Variants in MPP7 observed in about 807,000 individuals in gnomAD.
The protein encoded by MPP7 is MAGUK p55 subfamily member 7.
MPP7 carries 60 observed loss-of-function variants against 76.5 expected under a neutral mutation model. The observed-to-expected ratio is 0.78, with a 90% CI of 0.64 to 0.97. MPP7 has a LOEUF of 0.97. Among genes scored for constraint, MPP7 ranks in the 50% least tolerant of loss-of-function variants. MPP7 has a pLI of 0.00. For synonymous variants in MPP7, 237 were observed against 244.5 expected, an observed-to-expected ratio of 0.97 and a Z score of 0.29; for missense variants, 641 against 694.0, an observed-to-expected ratio of 0.92 and a Z score of 0.86.
chr10:28,084,894 G>A lies in MPP7; in HGVS notation c.1123+4777C>T, dbSNP rs549568547. On this transcript the variant is annotated intron_variant, in intron 12 of 16. Coordinates refer to ENST00000683449, the MANE Select transcript of MPP7 (RefSeq NM_001318170.2). The stretch of plus-strand genomic sequence containing the variant: ...TGCCTAGACAGTGTGCAGAATTAGC[G>A]TGTAGGAAAGAGAGAGGTGAGCCCA... Among the ~76,000 whole-genome samples the A allele has an allele frequency of 8.5e-5, 13 of 152,294 alleles. No homozygotes were observed. The South Asian group carries it at 1.0e-3, about 12-fold the overall frequency.
intron 2 of MPP7, among the ~76,000 whole-genome samples, chr10:28,213,006 C>T (rs1283535175): frequency 2.6e-5 from 4 of 152,126 alleles, no homozygotes; most frequent in African/African-American, 7.2e-5. Context: ...GTGCCATGAT[C>T]AGAGCTCAGT....
chr10:28,269,044 A>G (rs2133011343), intron 1 of MPP7, among the ~76,000 whole-genome samples: 1 of 152,358 alleles, frequency 6.6e-6, no homozygotes, highest in Middle Eastern at 3.4e-3. Flanking sequence ...TTTACTCAAA[A>G]GTAAGGACTT....
Position 28,310,798 on chromosome 10 carries a change from C to CT in MPP7, c.-132+19130_-132+19131insA, listed in dbSNP as rs1280770076. ...GGGAAAAAGCTATAAACCACTTTAC[C>CT]CTGCACTGATCTGATAGACTCATTG... On this transcript the variant is annotated intron_variant, in intron 2 of 11. Transcript: ENST00000441595. 4.9e-3 allele frequency among the ~76,000 whole-genome samples: 746 copies of CT among 152,220 alleles called. 11 individuals carry two copies. The highest frequency in any genetic ancestry group is 0.017 in the African/African-American group (706 of 41,514).
At position 28,099,504 on chromosome 10, in the gene MPP7, C is replaced by G. The variant is rs544985495; in HGVS notation, c.953-9663G>C. Among the ~76,000 whole-genome samples, 98 of 152,254 alleles carry G rather than the reference C, an allele frequency of 6.4e-4. No homozygotes were observed. The Middle Eastern group carries it at 0.01, about 16-fold the overall frequency. Reference sequence around the variant, plus strand: ...ACAGAGGATTAGAGAAGGAGCCACTCTAAAGTTCCTAAGGTTTAGGCCGGG... The same window carrying G: ...ACAGAGGATTAGAGAAGGAGCCACTGTAAAGTTCCTAAGGTTTAGGCCGGG... On this transcript the variant is annotated intron_variant, in intron 11 of 16. Coordinates refer to ENST00000683449, the MANE Select transcript of MPP7 (RefSeq NM_001318170.2).
intron 11 of MPP7, among the ~76,000 whole-genome samples, chr10:28,105,052 G>A (rs1854003668): frequency 1.3e-5 from 2 of 150,854 alleles, no homozygotes; most frequent in Admixed American, 1.3e-4. Context: ...TAGTCGGGAG[G>A]CTGAGGCAGG....
chr10:28,073,968 C>T (rs950666611), intron 12 of MPP7, among the ~76,000 whole-genome samples: 7 of 151,852 alleles, frequency 4.6e-5, no homozygotes, highest in African/African-American at 1.7e-4. Context: ...TTTCATGTTC[C>T]ACAGCATCCT....
chr10:28,280,413 T>C (rs570570838), intron 1 of MPP7, among the ~76,000 whole-genome samples: 16 of 152,048 alleles, frequency 1.1e-4, no homozygotes, highest in Non-Finnish European at 2.2e-4. Flanking sequence ...GTTGTTATAT[T>C]GTTTGGGGAA....
At chr10:28,263,593 T>A (rs1336222378) in intron 1 of MPP7, among the ~76,000 whole-genome samples, 1 of 151,190 alleles carries the variant, frequency 6.6e-6, no homozygotes, top group African/African-American at 2.4e-5. Flanking sequence ...TGTTTCCCTT[T>A]CTCAGGATTT....
intron 2 of MPP7, among the ~76,000 whole-genome samples, chr10:28,215,863 A>G (rs1320340312): frequency 6.6e-6 from 1 of 152,220 alleles, no homozygotes; most frequent in Non-Finnish European, 1.5e-5. Context: ...TTAAATAAAA[A>G]TAATTCCAAA....
chr10:28,200,539 C>A (rs1341277338), intron 3 of MPP7, among the ~76,000 whole-genome samples: 1 of 152,188 alleles, frequency 6.6e-6, no homozygotes, highest in African/African-American at 2.4e-5. Flanking sequence ...GCTTAAAACT[C>A]AAGCCAGTGT....
intron 11 of MPP7, among the ~76,000 whole-genome samples, chr10:28,105,982 A>G (rs1834311690): frequency 6.6e-6 from 1 of 152,170 alleles, no homozygotes; most frequent in Non-Finnish European, 1.5e-5. Flanking sequence ...CACCAGTTTG[A>G]TATGAATTAT....
chr10:28,309,524 T>G (rs1841277363), intron 2 of MPP7, among the ~76,000 whole-genome samples: 1 of 152,308 alleles, frequency 6.6e-6, no homozygotes, highest in East Asian at 1.9e-4. Flanking sequence ...CTTTTTCCCT[T>G]GGTGAGACCC....
intron 11 of MPP7, among the ~76,000 whole-genome samples, chr10:28,117,784 T>C (rs1011707281): frequency 1.3e-5 from 2 of 152,106 alleles, no homozygotes; most frequent in African/African-American, 4.8e-5. Flanking sequence ...CACAGAAATA[T>C]ATTGTCTCTC....
intron 7 of MPP7, among the ~76,000 whole-genome samples, chr10:28,124,772 C>T (rs1003824239): frequency 8.5e-5 from 13 of 152,090 alleles, no homozygotes; most frequent in African/African-American, 1.4e-4. Context: ...CGTGAGCCAC[C>T]ACGCCCGGCC....
At chr10:28,141,783 G>A (rs1326022770) in intron 5 of MPP7, among the ~76,000 whole-genome samples, 1 of 151,948 alleles carries the variant, frequency 6.6e-6, no homozygotes, top group Non-Finnish European at 1.5e-5. Flanking sequence ...TGACATAAAA[G>A]AGAATTCCAA....
At position 28,052,709 on chromosome 10, in the gene MPP7, T is replaced by C. The variant is rs984628744; in HGVS notation, c.*1356A>G. On this transcript the variant is annotated 3_prime_UTR_variant, in exon 17 of 17. Transcript: ENST00000683449. ...ATGCCTTTAAAATATTTCATAAATA[T>C]ATAGAATTTTACTACATTCTATTTT... 13 of 152,288 alleles carry C rather than the reference T, an allele frequency of 8.5e-5. No homozygotes were observed. Among genetic ancestry groups the C allele is most frequent in the African/African-American group, 3.1e-4 (13 of 41,464 alleles). 9.4% of individuals were successfully genotyped at this position (152,288 alleles called of 1,614,324 possible). A position where few individuals can be genotyped will look rare whatever the true frequency, so the allele number is the denominator to read the frequency against.
At chr10:28,128,373 T>C (rs1321375926) in intron 6 of MPP7, among the ~76,000 whole-genome samples, 1 of 152,186 alleles carries the variant, frequency 6.6e-6, no homozygotes, top group Non-Finnish European at 1.5e-5. Context: ...CAATGACCAT[T>C]TCCTTGGAGC....
intron 1 of MPP7, among the ~76,000 whole-genome samples, chr10:28,284,631 T>C (rs1840753285): frequency 6.6e-6 from 1 of 152,196 alleles, no homozygotes; most frequent in South Asian, 2.1e-4. Flanking sequence ...CTATCAGACA[T>C]TTCTCAAAAT....
chr10:28,055,278 A>G lies in MPP7; in HGVS notation c.1552-1034T>C, dbSNP rs1486432328. Among the ~76,000 whole-genome samples, 3 of 152,176 alleles carry G rather than the reference A, an allele frequency of 2.0e-5. No homozygotes were observed. The East Asian group carries it at 5.8e-4, about 29-fold the overall frequency. ...TTGATCAAGAGCCTGAGTAACTAAC[A>G]TTGTATGACAGTACCTACTCAGAAC... is the stretch of plus-strand genomic sequence containing the variant. On this transcript the variant is annotated intron_variant, in intron 16 of 16. Coordinates refer to ENST00000683449, the MANE Select transcript of MPP7 (RefSeq NM_001318170.2).
Sources: allele counts gnomAD v4.1 joint callset (sites outside exome capture counted in the v4.1 genomes callset), GRCh38; gene constraint gnomAD v4.1.1; transcripts MANE v1.5; gene names NCBI Gene and HGNC (gene_info 2026-07-23, HGNC 2026-07-21).